The following AK9 variants were observed in gnomAD, a reference collection of about 807,000 sequenced individuals.
The protein encoded by AK9 is adenylate kinase 9.
In AK9, 191 loss-of-function variants were observed where a neutral mutation model predicts 239.6. The ratio of observed to expected loss-of-function variants is 0.80; its 90% CI spans 0.71 to 0.90. The LOEUF is 0.90. Ranked by LOEUF, AK9 falls within the 40% of genes least tolerant of loss-of-function variation. The pLI, the probability that AK9 is intolerant of heterozygous loss-of-function variation, is 0.00. For synonymous variants in AK9, 689 were observed against 721.0 expected, an observed-to-expected ratio of 0.96 and a Z score of 0.71; for missense variants, 1,995 against 2,214.7, an observed-to-expected ratio of 0.90 and a Z score of 1.99.
chr6:109,537,982 A>T (rs1386737637), intron 27 of AK9, among the ~76,000 whole-genome samples: 2 of 152,124 alleles, frequency 1.3e-5, no homozygotes, highest in African/African-American at 4.8e-5. Context: ...GTTTGTTATA[A>T]TTTCTGTTCT....
chr6:109,616,874 T>C lies in AK9; in HGVS notation c.1399+2218A>G, dbSNP rs1794247916. On this transcript the variant is annotated intron_variant, in intron 13 of 40. Coordinates refer to ENST00000424296, the MANE Select transcript of AK9 (RefSeq NM_001145128.3). Reference sequence around the variant, plus strand: ...AAGAGGGGTTTAAACTATACTTCTTTTCAAATTATATGATTAGCTCTCTGG... The same window carrying C: ...AAGAGGGGTTTAAACTATACTTCTTCTCAAATTATATGATTAGCTCTCTGG... Among the ~76,000 whole-genome samples, 3 of 152,126 alleles carry C rather than the reference T, an allele frequency of 2.0e-5. No homozygotes were observed. In the South Asian group the frequency reaches 6.2e-4, roughly 31 times the overall value.
chr6:109,599,218 T>G (rs2128226678), intron 17 of AK9, among the ~76,000 whole-genome samples: 1 of 152,342 alleles, frequency 6.6e-6, no homozygotes, highest in African/African-American at 2.4e-5. Context: ...GTCTAACATT[T>G]AAGTCTTTAA....
intron 10 of AK9, among the ~76,000 whole-genome samples, chr6:109,633,837 C>T (rs1243938688): frequency 6.6e-6 from 1 of 152,152 alleles, no homozygotes; most frequent in Non-Finnish European, 1.5e-5. Flanking sequence ...CATCAGCAAT[C>T]CTTTCTGTTG....
chr6:109,558,040 TGG>T (rs1244476754), intron 24 of AK9, among the ~76,000 whole-genome samples: 11 of 152,186 alleles, frequency 7.2e-5, no homozygotes, highest in African/African-American at 2.7e-4. Context: ...ATATTTTAGT[TGG>T]TGAAGTATCT....
rs533201958 is a variant in AK9, at chr6:109,649,996, A to G, written c.760-5308T>C. On this transcript the variant is annotated intron_variant, in intron 8 of 40. Coordinates refer to ENST00000424296, the MANE Select transcript of AK9 (RefSeq NM_001145128.3). The stretch of plus-strand genomic sequence containing the variant: ...ACAAGCAATGGGGAAAGGATTCCCT[A>G]TTTAATAAATGGTGCTGGGAAAACT... Among the ~76,000 whole-genome samples the G allele has an allele frequency of 1.3e-3, 194 of 152,308 alleles. 2 individuals carry two copies. The highest frequency in any genetic ancestry group is 7.9e-3 in the South Asian group (38 of 4,824).
intron 19 of AK9, 146 bp from the exon 20 acceptor site, chr6:109,579,772 G>A: frequency 2.9e-6 from 2 of 701,512 alleles, no homozygotes; most frequent in South Asian, 2.9e-5. Flanking sequence ...TACTCATGTT[G>A]AGACTAGTTA....
At chr6:109,514,039 C>T (rs576516138) in intron 32 of AK9, among the ~76,000 whole-genome samples, 185 bp downstream of exon 32, 5 of 152,296 alleles carry the variant, frequency 3.3e-5, no homozygotes, top group African/African-American at 1.2e-4. Flanking sequence ...CTCTTAAAAA[C>T]CCTAGCCCCA....
intron 25 of AK9, among the ~76,000 whole-genome samples, chr6:109,547,589 T>C (rs1270689223): frequency 1.3e-5 from 2 of 152,202 alleles, no homozygotes; most frequent in East Asian, 1.9e-4. Context: ...TATATAAAAC[T>C]GCTAGAAGAA....
At chr6:109,508,043 ATGAATCTGCTGTGATTCTGGG>A (rs1778295688) in intron 33 of AK9, among the ~76,000 whole-genome samples, 1 of 152,194 alleles carries the variant, frequency 6.6e-6, no homozygotes, top group African/African-American at 2.4e-5. Context: ...TGGAGTCTCC[ATGAATCTGCTGTGATTCTGGG>A]GGCTGCCCGA....
chr6:109,498,011 G>A lies in AK9; in HGVS notation c.5047-46C>T, dbSNP rs374410858. 1.6e-5 allele frequency: 26 copies of A among 1,598,186 alleles called. No homozygotes were observed. In the African/African-American group the frequency reaches 2.0e-4, roughly 12 times the overall value. On this transcript the variant is annotated intron_variant, in intron 36 of 40. Coordinates refer to ENST00000424296, the MANE Select transcript of AK9 (RefSeq NM_001145128.3). ...TAGCAACATGATTTAAACCAGAAAT[G>A]CTATGCCAATCAGAAGGCCACCGAG...
At chr6:109,620,760 T>C (rs191336731) in intron 12 of AK9, among the ~76,000 whole-genome samples, 54 of 151,834 alleles carry the variant, frequency 3.6e-4, no homozygotes, top group Non-Finnish European at 5.6e-4. Context: ...TATGGTATAC[T>C]ATATACACAT....
intron 17 of AK9, among the ~76,000 whole-genome samples, chr6:109,591,324 T>C (rs536656921): frequency 1.8e-4 from 27 of 152,322 alleles, no homozygotes; most frequent in African/African-American, 6.5e-4. Flanking sequence ...TTTTATCTGA[T>C]ATAAGTATAG....
intron 17 of AK9, among the ~76,000 whole-genome samples, chr6:109,587,789 T>C (rs938075195): frequency 3.3e-5 from 5 of 152,228 alleles, no homozygotes; most frequent in African/African-American, 9.6e-5. Flanking sequence ...AAAAGGCTTC[T>C]TTTCCTTTGA....
chr6:109,614,558 C>A, intron 13 of AK9, 78 bp from the exon 14 acceptor site: 1 of 1,181,162 alleles, frequency 8.5e-7, no homozygotes, highest in South Asian at 1.3e-5. Context: ...AAAGCCCCTG[C>A]TTCAAAGTTA....
At chr6:109,501,621 T>C (rs1269342086) in intron 35 of AK9, among the ~76,000 whole-genome samples, 1 of 152,228 alleles carries the variant, frequency 6.6e-6, no homozygotes. Flanking sequence ...ATCATCAGTG[T>C]GGCATCAGCA....
intron 13 of AK9, among the ~76,000 whole-genome samples, chr6:109,617,778 T>C (rs1794349571): frequency 6.6e-6 from 1 of 152,148 alleles, no homozygotes; most frequent in Non-Finnish European, 1.5e-5. Context: ...AGAATAAGAA[T>C]GGTTCTCGTT....
intron 27 of AK9, among the ~76,000 whole-genome samples, chr6:109,535,061 A>C (rs1781795720): frequency 1.3e-5 from 2 of 152,218 alleles, no homozygotes; most frequent in Admixed American, 1.3e-4. Context: ...TGCTGCAATA[A>C]ACATACGTGT....
chr6:109,573,303 T>A, intron 21 of AK9, 139 bp downstream of exon 21: 1 of 901,282 alleles, frequency 1.1e-6, no homozygotes, highest in Non-Finnish European at 1.5e-6. Context: ...GGATTTGGAC[T>A]CAATGGCTGC....
chr6:109,508,832 G>A (rs1238194341), intron 33 of AK9, among the ~76,000 whole-genome samples: 1 of 152,174 alleles, frequency 6.6e-6, no homozygotes, highest in South Asian at 2.1e-4. Flanking sequence ...CTGGGGGATG[G>A]GGGAGGGCCA....
Sources: gnomAD v4.1 joint callset for allele counts (sites outside exome capture counted in the v4.1 genomes callset) on GRCh38, gnomAD v4.1.1 for gene constraint, MANE v1.5 for transcripts, NCBI Gene and HGNC (gene_info 2026-07-23, HGNC 2026-07-21) for gene names.